The following ACTR3B variants were observed in gnomAD, a reference collection of about 807,000 sequenced individuals.
The protein encoded by ACTR3B is actin related protein 3B.
In ACTR3B, 8 loss-of-function variants were observed where a neutral mutation model predicts 59.0. The observed-to-expected ratio is 0.14, with a 90% CI of 0.08 to 0.24. The LOEUF is 0.24. ACTR3B is among the 10% of genes least tolerant of loss of function. The pLI is 1.00. For synonymous variants in ACTR3B, 148 were observed against 197.9 expected (o/e 0.75, Z 2.12); for missense variants, 245 against 552.3 (o/e 0.44, Z 5.58).
At chr7:152,786,934 C>T (rs1341299772) in intron 2 of ACTR3B, among the ~76,000 whole-genome samples, 1 of 152,140 alleles carries the variant, frequency 6.6e-6, no homozygotes, top group Non-Finnish European at 1.5e-5. Context: ...CGTGAATATA[C>T]AACAGTTTTT....
rs370325582 is a variant in ACTR3B at position 152,763,495 on chromosome 7, C to T, written c.44+3569C>T. ...CTGGAGTGCAGTGGCACAATCTCTG[C>T]TCACTGCAACCTCTGTCTCCCAGGT... On this transcript the variant is annotated intron_variant, in intron 1 of 11. Transcript: ENST00000256001. Among the ~76,000 whole-genome samples, 67 of 151,928 alleles carry T rather than the reference C, an allele frequency of 4.4e-4. 1 individual carries two copies. Among genetic ancestry groups the T allele is most frequent in the African/African-American group, 1.5e-3 (63 of 41,412 alleles).
rs541587582 is a variant in ACTR3B, at chr7:152,770,610, A to G, written c.44+10684A>G. Among the ~76,000 whole-genome samples, 8 of 152,138 alleles carry G rather than the reference A, an allele frequency of 5.3e-5. No homozygotes were observed. The East Asian group carries it at 1.5e-3, about 29-fold the overall frequency. On this transcript the variant is annotated intron_variant, in intron 1 of 11. Coordinates refer to ENST00000256001, the MANE Select transcript of ACTR3B (RefSeq NM_020445.6). ...TTCCCCTTAAACCCGCCTGTCCTCC[A>G]CAATGAACTTTGGAATTAGATATAC... is the stretch of plus-strand genomic sequence containing the variant.
Position 152,840,584 on chromosome 7 carries a change from G to A in ACTR3B, c.952-11542G>A, listed in dbSNP as rs576592933. On this transcript the variant is annotated intron_variant, in intron 9 of 11. Coordinates refer to ENST00000256001, the MANE Select transcript of ACTR3B (RefSeq NM_020445.6). ...GGTCAGATTGTGAAGGGCTCCGAAC[G>A]CCCTGTCAGGAAAACGGGGTTTCTA... Among the ~76,000 whole-genome samples, 5 of 147,562 alleles carry A rather than the reference G, an allele frequency of 3.4e-5. No homozygotes were observed. The East Asian group carries it at 8.4e-4, about 25-fold the overall frequency.
At chr7:152,785,379 G>GA (rs779712172) in intron 2 of ACTR3B, among the ~76,000 whole-genome samples, 273 of 7,560 alleles carry the variant, frequency 0.036, 23 homozygotes, top group African/African-American at 0.082. Context: ...TTTGTTGTGA[G>GA]GGGGGGGGGA....
At chr7:152,771,971 A>G (rs2098125126) in intron 1 of ACTR3B, among the ~76,000 whole-genome samples, 1 of 152,158 alleles carries the variant, frequency 6.6e-6, no homozygotes, top group Non-Finnish European at 1.5e-5. Context: ...AAGCTGAGGC[A>G]GGAGAATCGC....
chr7:152,831,155 C>G (rs1044817886), intron 9 of ACTR3B, among the ~76,000 whole-genome samples: 6 of 152,204 alleles, frequency 3.9e-5, no homozygotes, highest in Non-Finnish European at 1.5e-5. Context: ...TTTTGTCTTA[C>G]TGGGAAGGGA....
At chr7:152,765,868 C>T (rs536221143) in intron 1 of ACTR3B, among the ~76,000 whole-genome samples, 6 of 152,000 alleles carry the variant, frequency 3.9e-5, no homozygotes, top group East Asian at 1.9e-4. Context: ...TGAGGCCCTG[C>T]GTGCTGTGTC....
chr7:152,815,720 G>T (rs1795639024), intron 5 of ACTR3B, among the ~76,000 whole-genome samples: 1 of 152,030 alleles, frequency 6.6e-6, no homozygotes, highest in Non-Finnish European at 1.5e-5. Context: ...TGTTCCCTTT[G>T]GGGCAACATT....
chr7:152,854,697 C>G lies in ACTR3B; in HGVS notation c.*144C>G. 3 of 778,464 alleles carry G rather than the reference C, an allele frequency of 3.9e-6. No homozygotes were observed. The highest frequency in any genetic ancestry group is 2.1e-6 in the Non-Finnish European group (1 of 483,872). The allele number at this position is 778,464 out of a possible 1,614,324, so 48.2% of individuals were successfully genotyped here. A position where few individuals can be genotyped will look rare whatever the true frequency, so the allele number is the denominator to read the frequency against. On this transcript the variant is annotated 3_prime_UTR_variant, in exon 12 of 12. Coordinates refer to ENST00000256001, the MANE Select transcript of ACTR3B (RefSeq NM_020445.6). The surrounding 1 kb of genome is among the most constrained non-coding windows in gnomAD (Gnocchi z 4.9). ...TGCATTGCCGGTGCATGAGGCGCGG[C>G]GCGGGCCCTTCAGTAAAAGCCATTT... is the stretch of plus-strand genomic sequence containing the variant.
intron 1 of ACTR3B, among the ~76,000 whole-genome samples, chr7:152,764,675 G>T (rs1376708868): frequency 6.6e-6 from 1 of 151,900 alleles, no homozygotes; most frequent in Non-Finnish European, 1.5e-5. Context: ...ATAAAGCAAG[G>T]ATATCTTTTT....
At chr7:152,778,156 T>C (rs3107846) in intron 1 of ACTR3B, among the ~76,000 whole-genome samples, 146,174 of 149,100 alleles carry the variant, frequency 0.98, 71,707 homozygotes, top group East Asian at 1. Flanking sequence ...TTTTTTTTTC[T>C]GCCATTATCT....
At chr7:152,822,470 C>T (rs1796251955) in intron 7 of ACTR3B, among the ~76,000 whole-genome samples, 1 of 152,244 alleles carries the variant, frequency 6.6e-6, no homozygotes, top group African/African-American at 2.4e-5. Context: ...CTCAGGCTGC[C>T]TGTCGGTGCA....
chr7:152,760,058 G>T, intron 1 of ACTR3B, 132 bp downstream of exon 1: 3 of 767,554 alleles, frequency 3.9e-6, no homozygotes, highest in Non-Finnish European at 5.3e-6. Flanking sequence ...GGCAGGTGGG[G>T]CGCCGGCCGC....
chr7:152,773,193 T>TGGACTTGA (rs1380959360), intron 1 of ACTR3B, among the ~76,000 whole-genome samples: 2 of 148,090 alleles, frequency 1.4e-5, no homozygotes, highest in African/African-American at 2.5e-5. Flanking sequence ...TCACCTGGCA[T>TGGACTTGA]GGACTCAACT....
rs1183064431 is a variant in ACTR3B, at chr7:152,831,230, C to T, written c.951+6108C>T. 2.0e-5 allele frequency among the ~76,000 whole-genome samples: 3 copies of T among 152,250 alleles called. No individual in the cohort carries two copies. The East Asian group carries it at 5.8e-4, about 29-fold the overall frequency. On this transcript the variant is annotated intron_variant, in intron 9 of 11. Transcript: ENST00000256001. ...CCAGCTCACAAGAACATTAAGACACCTGTTGCCGTGGGAGGCTGGTGGAGA... is the reference window on the plus strand; with the variant it reads ...CCAGCTCACAAGAACATTAAGACACTTGTTGCCGTGGGAGGCTGGTGGAGA...
intron 2 of ACTR3B, among the ~76,000 whole-genome samples, chr7:152,795,748 C>T (rs2116702715): frequency 6.6e-6 from 1 of 152,206 alleles, no homozygotes; most frequent in Non-Finnish European, 1.5e-5. Context: ...TTTGTCTGGC[C>T]ATCTTATTTT....
chr7:152,807,088 G>A (rs2098254541), intron 4 of ACTR3B, among the ~76,000 whole-genome samples: 2 of 152,184 alleles, frequency 1.3e-5, no homozygotes, highest in South Asian at 4.2e-4. Context: ...GTCTGTCTGT[G>A]GATAAAATAC....
At chr7:152,853,615 T>C (rs1382648277) in intron 11 of ACTR3B, 38 bp downstream of exon 11, 2 of 1,573,620 alleles carry the variant, frequency 1.3e-6, no homozygotes, top group Admixed American at 1.7e-5. Flanking sequence ...TCTCCATTCC[T>C]GTGCTCTCGG....
intron 2 of ACTR3B, chr7:152,786,578 A>G (rs896485404): frequency 2.6e-5 from 4 of 156,840 alleles, no homozygotes; most frequent in African/African-American, 9.7e-5. Flanking sequence ...ACAAAAAACA[A>G]ACAAACCCCA....
Sources: allele counts gnomAD v4.1 joint callset (sites outside exome capture counted in the v4.1 genomes callset), GRCh38; gene constraint gnomAD v4.1.1; non-coding constraint Gnocchi (gnomAD v3.1); transcripts MANE v1.5; gene names NCBI Gene and HGNC (gene_info 2026-07-23, HGNC 2026-07-21).